Variants in POM121C observed in about 807,000 individuals in gnomAD.
POM121C encodes nuclear envelope pore membrane protein POM 121C.
In POM121C, 20 loss-of-function variants were observed where a neutral mutation model predicts 66.4. The ratio of observed to expected loss-of-function variants is 0.30; its 90% confidence interval spans 0.21 to 0.44. The LOEUF is 0.44. Ranked by LOEUF, POM121C falls within the 20% of genes least tolerant of loss-of-function variation. The pLI is 1.00. For synonymous variants in POM121C, 286 were observed against 528.0 expected, an observed-to-expected ratio of 0.54 and a Z score of 6.28; for missense variants, 580 against 1,225.7, an observed-to-expected ratio of 0.47 and a Z score of 7.87.
intron 5 of POM121C, 104 bp downstream of exon 5, chr7:75,440,850 C>T (rs1365207947): frequency 6.3e-7 from 1 of 1,592,062 alleles, no homozygotes; most frequent in Non-Finnish European, 8.6e-7. Context: ...CCTATGAAGG[C>T]TCACAAACTG....
At chr7:75,468,653 C>T (rs1454622050) in intron 3 of POM121C, among the ~76,000 whole-genome samples, 4 of 152,054 alleles carry the variant, frequency 2.6e-5, no homozygotes, top group Non-Finnish European at 5.9e-5. Flanking sequence ...TCAATCTCAT[C>T]CCTAAACTCA....
chr7:75,466,432 T>A (rs771662019), intron 3 of POM121C, among the ~76,000 whole-genome samples: 2 of 151,302 alleles, frequency 1.3e-5, no homozygotes, highest in African/African-American at 4.9e-5. Context: ...ATGGTAAACC[T>A]CCATCTCTAC....
At position 75,430,442 on chromosome 7, in the gene POM121C, G is replaced by C. The variant is rs150940792; in HGVS notation, c.481-3989C>G. On this transcript the variant is annotated intron_variant, in intron 7 of 14. Coordinates refer to ENST00000615331, the MANE Select transcript of POM121C (RefSeq NM_001099415.3). ...TCAATAAATGTTGCTGAGAGAAATGGGTATTTCTATAGTAAAAAACAAACA... is the reference window on the plus strand; with the variant it reads ...TCAATAAATGTTGCTGAGAGAAATGCGTATTTCTATAGTAAAAAACAAACA... Among the ~76,000 whole-genome samples, 1,159 of 151,922 alleles carry C rather than the reference G, an allele frequency of 7.6e-3. 19 individuals are homozygous for C. Among genetic ancestry groups the C allele is most frequent in the African/African-American group, 0.027 (1,113 of 41,420 alleles).
Position 75,419,345 on chromosome 7 carries a change from T to C in POM121C, c.2841A>G (p.Gln947=), listed in dbSNP as rs1789598703. The part of the protein sequence containing the change: ...LSFGASSAPA[Q]GFVGVGPFGS... ...CGAACGGTCCAACACCAACAAAGCCTTGGGCGGGTGCTGAAGATGCCCCAA... is the reference window on the plus strand; with the variant it reads ...CGAACGGTCCAACACCAACAAAGCCCTGGGCGGGTGCTGAAGATGCCCCAA... The change falls in exon 14 of 15, where the codon CAA becomes CAG. Residue 947 remains glutamine, a synonymous_variant. Transcript: ENST00000615331. 1 of 1,613,490 alleles carries C rather than the reference T, an allele frequency of 6.2e-7. No individual in the cohort carries two copies. Among genetic ancestry groups the C allele is most frequent in the South Asian group, 1.1e-5 (1 of 91,026 alleles).
rs1432019589 is a variant in POM121C at position 75,437,031 on chromosome 7, T to G, written c.480+484A>C. On this transcript the variant is annotated intron_variant, in intron 7 of 14. Transcript: ENST00000615331. ...ATCATGACCACTTGTTTAAAAACCCTGCGCTCAATTCTAAATGCCTATAAA... is the reference window on the plus strand; with the variant it reads ...ATCATGACCACTTGTTTAAAAACCCGGCGCTCAATTCTAAATGCCTATAAA... Among the ~76,000 whole-genome samples, 3 of 152,340 alleles carry G rather than the reference T, an allele frequency of 2.0e-5. No individual in the cohort carries two copies. The East Asian group carries it at 5.8e-4, about 29-fold the overall frequency.
At chr7:75,439,403 CAG>C (rs1395719177) in intron 5 of POM121C, among the ~76,000 whole-genome samples, 179 bp from the exon 6 acceptor site, 2 of 151,878 alleles carry the variant, frequency 1.3e-5, no homozygotes, top group Non-Finnish European at 2.9e-5. Flanking sequence ...TTTTTTCAGA[CAG>C]AGTTTCACTC....
chr7:75,479,237 C>A lies in POM121C; in HGVS notation c.-457-4049G>T, dbSNP rs2443458. 2.1e-4 allele frequency among the ~76,000 whole-genome samples: 32 copies of A among 152,204 alleles called. 1 individual carries two copies. Among genetic ancestry groups the A allele is most frequent in the African/African-American group, 7.0e-4 (29 of 41,506 alleles). On this transcript the variant is annotated intron_variant, in intron 1 of 14. Coordinates refer to ENST00000615331, the MANE Select transcript of POM121C (RefSeq NM_001099415.3). ...CCTTCAGGCAGAAGTAAAATGACAG[C>A]AAATAAAAATTTAGATTTACACAAA...
rs1345239084 is a variant in POM121C at position 75,486,111 on chromosome 7, C to T, written c.-705G>A. 3 of 355,118 alleles carry T rather than the reference C, an allele frequency of 8.4e-6. No homozygotes were observed. Among genetic ancestry groups the T allele is most frequent in the South Asian group, 2.1e-5 (1 of 48,100 alleles). The allele number at this position is 355,118 out of a possible 1,614,324, so 22.0% of individuals were successfully genotyped here. On this transcript the variant is annotated 5_prime_UTR_variant, in exon 1 of 15. Coordinates refer to ENST00000615331, the MANE Select transcript of POM121C (RefSeq NM_001099415.3). Reference sequence around the variant, plus strand: ...CGCCGCCGGCTCCGGGGTTCACGCTCGGGGGTCCCAGCTCGAGCCTCTACC... The same window carrying T: ...CGCCGCCGGCTCCGGGGTTCACGCTTGGGGGTCCCAGCTCGAGCCTCTACC...
chr7:75,466,712 C>A (rs587617402), intron 3 of POM121C, among the ~76,000 whole-genome samples: 3 of 147,016 alleles, frequency 2.0e-5, no homozygotes, highest in South Asian at 4.3e-4. Context: ...TCGAAAAGAT[C>A]AATTAAAAAT....
At chr7:75,474,956 G>A in intron 2 of POM121C, 74 bp from the exon 3 acceptor site, 5 of 1,270,052 alleles carry the variant, frequency 3.9e-6, no homozygotes, top group Non-Finnish European at 5.7e-6. Context: ...TATAAACACT[G>A]CAGCTAGTGC....
At chr7:75,483,324 C>T (rs1316213445) in intron 1 of POM121C, among the ~76,000 whole-genome samples, 1 of 152,074 alleles carries the variant, frequency 6.6e-6, no homozygotes, top group Admixed American at 6.6e-5. Flanking sequence ...CCACAAGTAA[C>T]AAAACTGGTT....
chr7:75,419,315 C>CTTACCGAAA lies in POM121C; in HGVS notation c.2866+4_2866+5insTTTCGGTAA. ...AGCAGGGCCACAGGGTGGCTTGCTG[C>CTTACCGAAA]TTACCGAACGGTCCAACACCAACAA... On this transcript the variant is annotated splice_donor_region_variant and intron_variant, in intron 14 of 14. Coordinates refer to ENST00000615331, the MANE Select transcript of POM121C (RefSeq NM_001099415.3). The CTTACCGAAA allele has an allele frequency of 6.2e-7, 1 of 1,609,324 alleles. No individual in the cohort carries two copies. Among genetic ancestry groups the CTTACCGAAA allele is most frequent in the Non-Finnish European group, 8.5e-7 (1 of 1,177,918 alleles).
chr7:75,454,101 G>C (rs1217657207), intron 3 of POM121C, among the ~76,000 whole-genome samples: 3 of 152,218 alleles, frequency 2.0e-5, no homozygotes, highest in South Asian at 4.1e-4. Flanking sequence ...ATGTGCACAG[G>C]CTCAAGGAAA....
intron 3 of POM121C, among the ~76,000 whole-genome samples, chr7:75,473,198 A>C (rs1358655280): frequency 1.3e-5 from 2 of 152,188 alleles, no homozygotes; most frequent in Admixed American, 1.3e-4. Flanking sequence ...GTCAAGTAAA[A>C]TATTCAACTA....
intron 7 of POM121C, among the ~76,000 whole-genome samples, chr7:75,429,725 G>C (rs1554472124): frequency 6.6e-6 from 1 of 152,134 alleles, no homozygotes; most frequent in Non-Finnish European, 1.5e-5. Context: ...GTAAATAAAT[G>C]AAAGAGGTGG....
chr7:75,441,564 C>G lies in POM121C; in HGVS notation c.-68G>C. The G allele has an allele frequency of 6.2e-7, 1 of 1,611,990 alleles. No homozygotes were observed. The highest frequency in any genetic ancestry group is 8.5e-7 in the Non-Finnish European group (1 of 1,178,918). On this transcript the variant is annotated 5_prime_UTR_variant, in exon 4 of 15. Coordinates refer to ENST00000615331, the MANE Select transcript of POM121C (RefSeq NM_001099415.3). ...ATTCCAGCACACTGTGGGAAGTACC[C>G]CCGGACAGGAATACTGGGTCTGATG... is the stretch of plus-strand genomic sequence containing the variant.
At chr7:75,463,006 G>T in intron 3 of POM121C, among the ~76,000 whole-genome samples, 2 of 151,994 alleles carry the variant, frequency 1.3e-5, no homozygotes, top group African/African-American at 4.8e-5. Flanking sequence ...CTGCAGGCAG[G>T]GAGTAAAGCC....
intron 3 of POM121C, among the ~76,000 whole-genome samples, chr7:75,466,519 C>T (rs782363699): frequency 2.0e-5 from 3 of 151,640 alleles, no homozygotes; most frequent in Non-Finnish European, 4.4e-5. Flanking sequence ...GTAGGAGAAT[C>T]GCTTGAACCC....
intron 3 of POM121C, among the ~76,000 whole-genome samples, chr7:75,465,285 G>A (rs1791587394): frequency 6.6e-6 from 1 of 151,128 alleles, no homozygotes; most frequent in Non-Finnish European, 1.5e-5. Flanking sequence ...GTGAGCCACC[G>A]TGCCCAGCCT....
Sources: gnomAD v4.1 joint callset for allele counts (sites outside exome capture counted in the v4.1 genomes callset) on GRCh38, gnomAD v4.1.1 for gene constraint, MANE v1.5 for transcripts, NCBI Gene and HGNC (gene_info 2026-07-23, HGNC 2026-07-21) for gene names.